The following GABRG2 variants were observed in gnomAD, a reference collection of about 807,000 sequenced individuals.
The protein encoded by GABRG2 is gamma-aminobutyric acid type A receptor subunit gamma2, also known as gamma-aminobutyric acid receptor subunit gamma-2.
Under a neutral mutation model 56.4 loss-of-function variants are expected in GABRG2, and 16 were observed. The ratio of observed to expected loss-of-function variants is 0.28; its 90% CI spans 0.19 to 0.43. The LOEUF (loss-of-function observed/expected upper bound fraction) is 0.43, where lower values mean the gene tolerates loss of function less well. GABRG2 is among the 20% of genes least tolerant of loss of function. The pLI, the probability that GABRG2 is intolerant of heterozygous loss-of-function variation, is 1.00. For missense variants in GABRG2, 327 were observed against 582.7 expected (o/e 0.56, Z 4.52); for synonymous variants, 208 against 205.5 (o/e 1.01, Z -0.10).
chr5:162,103,979 C>T lies in GABRG2; in HGVS notation c.722C>T (p.Ser241Leu). 1 of 1,613,970 alleles carries T rather than the reference C, an allele frequency of 6.2e-7. No homozygotes were observed. The highest frequency in any genetic ancestry group is 1.1e-5 in the South Asian group (1 of 91,084). Residue 241 changes from serine to leucine, a missense_variant, in exon 6 of 10, where the codon TCA (serine) becomes TTA (leucine). Ser to Leu is a moderately radical substitution (Grantham distance 145). Transcript: ENST00000639213. Reference sequence around the variant, plus strand: ...AGATCCTGGAGGCTTTATCAATTCTCATTTGTTGGTCTAAGAAATACCACC... The same window carrying T: ...AGATCCTGGAGGCTTTATCAATTCTTATTTGTTGGTCTAAGAAATACCACC... Reference protein sequence around the residue: ...DTRSWRLYQFSFVGLRNTTEV... With the variant: ...DTRSWRLYQFLFVGLRNTTEV...
intron 6 of GABRG2, among the ~76,000 whole-genome samples, chr5:162,140,329 T>TTA (rs1764465058): frequency 6.6e-6 from 1 of 152,166 alleles, no homozygotes; most frequent in Non-Finnish European, 1.5e-5. Context: ...CAAAAGGCAG[T>TTA]GTTAAGAGGC....
intron 6 of GABRG2, among the ~76,000 whole-genome samples, chr5:162,132,774 G>C (rs1763849069): frequency 6.6e-6 from 1 of 151,972 alleles, no homozygotes. Flanking sequence ...AACCATGAGA[G>C]CTAAGAATGG....
At chr5:162,119,189 C>A (rs553960593) in intron 6 of GABRG2, among the ~76,000 whole-genome samples, 2 of 152,048 alleles carry the variant, frequency 1.3e-5, no homozygotes, top group South Asian at 2.1e-4. Flanking sequence ...ACATTCAGTG[C>A]GTTCTCTTGT....
At position 162,109,414 on chromosome 5, in the gene GABRG2, A is replaced by ATT. The variant is rs1393194115; in HGVS notation, c.769+5389_769+5390insTT. On this transcript the variant is annotated intron_variant, in intron 6 of 9. Coordinates refer to ENST00000639213, the MANE Select transcript of GABRG2 (RefSeq NM_198904.4). The stretch of plus-strand genomic sequence containing the variant: ...AATATATATATATATATATATATAT[A>ATT]TATATATATTTATTTATATAAAATG... Among the ~76,000 whole-genome samples the ATT allele has an allele frequency of 1.6e-3, 215 of 132,678 alleles. 3 individuals carry two copies. Among genetic ancestry groups the ATT allele is most frequent in the African/African-American group, 6.1e-3 (208 of 34,086 alleles). 87.0% of individuals were successfully genotyped at this position (132,678 alleles called of 152,430 possible). A position where few individuals can be genotyped will look rare whatever the true frequency, so the allele number is the denominator to read the frequency against.
At chr5:162,091,955 A>G (rs1760631222) in intron 1 of GABRG2, among the ~76,000 whole-genome samples, 2 of 152,270 alleles carry the variant, frequency 1.3e-5, no homozygotes, top group South Asian at 2.1e-4. Flanking sequence ...GCACTTTTGC[A>G]AGAACAATTT....
chr5:162,088,038 A>G (rs1262031756), intron 1 of GABRG2, among the ~76,000 whole-genome samples: 2 of 152,052 alleles, frequency 1.3e-5, no homozygotes, highest in African/African-American at 4.8e-5. Flanking sequence ...ATACACTCAC[A>G]TGTGCACACT....
intron 1 of GABRG2, among the ~76,000 whole-genome samples, chr5:162,083,009 GAAAC>G (rs1037190703): frequency 4.0e-5 from 6 of 151,186 alleles, no homozygotes; most frequent in African/African-American, 2.4e-5. Context: ...AGAAAAGAAA[GAAAC>G]AAACAAACAG....
At chr5:162,122,758 T>A (rs1167508880) in intron 6 of GABRG2, among the ~76,000 whole-genome samples, 1 of 151,720 alleles carries the variant, frequency 6.6e-6, no homozygotes, top group Non-Finnish European at 1.5e-5. Flanking sequence ...AGAAAAATAG[T>A]ATTCTTATAC....
chr5:162,150,835 TA>T (rs1217094761), intron 8 of GABRG2: 1 of 152,242 alleles, frequency 6.6e-6, no homozygotes, highest in Non-Finnish European at 1.5e-5. Flanking sequence ...ATGCTTTCTT[TA>T]ATTGCTCAAA....
rs117947050 is a variant in GABRG2 at position 162,114,645 on chromosome 5, C to T, written c.769+10619C>T. ...AAAACTATGACTTAACCAAAGTTTG[C>T]CTGAAAATAAAGATTAGGTGAATTG... On this transcript the variant is annotated intron_variant, in intron 6 of 9. Transcript: ENST00000639213. Among the ~76,000 whole-genome samples, 5 of 152,098 alleles carry T rather than the reference C, an allele frequency of 3.3e-5. No homozygotes were observed. The East Asian group carries it at 9.7e-4, about 29-fold the overall frequency.
At chr5:162,140,270 A>G (rs766380564) in intron 6 of GABRG2, among the ~76,000 whole-genome samples, 10 of 152,230 alleles carry the variant, frequency 6.6e-5, no homozygotes, top group Non-Finnish European at 1.3e-4. Context: ...GGTCATGATC[A>G]CTACCTCAGC....
In GABRG2 at chr5:162,151,679, C is replaced by G. The variant is rs557384687; in HGVS notation, c.1129-51C>G. 3.3e-5 allele frequency: 48 copies of G among 1,450,646 alleles called. No homozygotes were observed. In the Admixed American group the frequency reaches 9.4e-4, roughly 28 times the overall value. 89.9% of individuals were successfully genotyped at this position (1,450,646 alleles called of 1,614,324 possible). On this transcript the variant is annotated intron_variant, in intron 8 of 9. Transcript: ENST00000639213. ...TCTCTTTTTTTTTCATTTTTTTTCT[C>G]CTTTTTATTAAAAACAAATGCAATT...
intron 1 of GABRG2, among the ~76,000 whole-genome samples, chr5:162,076,088 G>A (rs1759081897): frequency 6.6e-6 from 1 of 152,034 alleles, no homozygotes; most frequent in Admixed American, 6.6e-5. Context: ...GGAGTTCAAG[G>A]CTGCAGTGAG....
rs140103148 is a variant in GABRG2 at position 162,112,380 on chromosome 5, G to T, written c.769+8354G>T. Among the ~76,000 whole-genome samples the T allele has an allele frequency of 1.4e-3, 214 of 149,018 alleles. 1 individual carries two copies. Among genetic ancestry groups the T allele is most frequent in the African/African-American group, 5.1e-3 (205 of 40,382 alleles). ...ATAACTAATAGATCTCTAATAAACA[G>T]CTACTGCCCCAAAATAAATTTGAAA... On this transcript the variant is annotated intron_variant, in intron 6 of 9. Coordinates refer to ENST00000639213, the MANE Select transcript of GABRG2 (RefSeq NM_198904.4).
chr5:162,109,783 C>T (rs1249703428), intron 6 of GABRG2, among the ~76,000 whole-genome samples: 2 of 152,184 alleles, frequency 1.3e-5, no homozygotes, highest in East Asian at 3.9e-4. Flanking sequence ...ACGGCCAGCT[C>T]ATCAAATTCT....
intron 1 of GABRG2, among the ~76,000 whole-genome samples, chr5:162,070,883 C>T (rs1758619716): frequency 6.6e-6 from 1 of 151,846 alleles, no homozygotes; most frequent in African/African-American, 2.4e-5. Flanking sequence ...TACCCTAGAC[C>T]TCACTTTGAA....
In GABRG2 at chr5:162,105,810, C is replaced by CACAT. The variant is rs1325726685; in HGVS notation, c.769+1788_769+1791dup. Among the ~76,000 whole-genome samples, 5 of 77,454 alleles carry CACAT rather than the reference C, an allele frequency of 6.5e-5. No homozygotes were observed. In the South Asian group the frequency reaches 2.5e-3, roughly 39 times the overall value. The allele number at this position is 77,454 out of a possible 152,430, so 50.8% of individuals were successfully genotyped here. On this transcript the variant is annotated intron_variant, in intron 6 of 9. Transcript: ENST00000639213. ...GAAGTCTTCCATTGGCGAAAGAAAA[C>CACAT]ACATACACACACACACACACACACA...
chr5:162,122,459 T>G (rs941895333), intron 6 of GABRG2, among the ~76,000 whole-genome samples: 8 of 151,834 alleles, frequency 5.3e-5, no homozygotes, highest in Non-Finnish European at 1.0e-4. Flanking sequence ...AGAATTTACT[T>G]CCACTGAGTA....
chr5:162,150,918 A>G (rs1765326073), intron 8 of GABRG2: 1 of 151,762 alleles, frequency 6.6e-6, no homozygotes, highest in Non-Finnish European at 1.5e-5. Context: ...CATTTTCTCT[A>G]TCCTTGTTTT....
Sources: gnomAD v4.1 joint callset for allele counts (sites outside exome capture counted in the v4.1 genomes callset) on GRCh38, gnomAD v4.1.1 for gene constraint, MANE v1.5 for transcripts, NCBI Gene and HGNC (gene_info 2026-07-23, HGNC 2026-07-21) for gene names.